Variants in KRCC1 observed in about 807,000 individuals in gnomAD.
KRCC1 encodes lysine-rich coiled-coil protein 1.
A neutral mutation model predicts 7.4 loss-of-function variants in KRCC1; 3 were observed. The ratio of observed to expected loss-of-function variants is 0.40; its 90% CI spans 0.18 to 1.04. The LOEUF (loss-of-function observed/expected upper bound fraction) is 1.04. KRCC1 is among the 50% of genes least tolerant of loss of function. The pLI is 0.33. For synonymous variants in KRCC1, 102 were observed against 101.6 expected (o/e 1.00, Z -0.02); for missense variants, 277 against 300.9 (o/e 0.92, Z 0.59).
At chr2:88,038,353 T>C (rs1558833116) in intron 1 of KRCC1, among the ~76,000 whole-genome samples, 1 of 152,214 alleles carries the variant, frequency 6.6e-6, no homozygotes, top group Non-Finnish European at 1.5e-5. Flanking sequence ...CTTAGCAAGA[T>C]GTCCCTGGCT....
intron 1 of KRCC1, among the ~76,000 whole-genome samples, chr2:88,043,074 T>A (rs1673248534): frequency 6.6e-6 from 1 of 152,176 alleles, no homozygotes; most frequent in Admixed American, 6.5e-5. Flanking sequence ...TACACTGAAG[T>A]CTTATTTTTC....
intron 1 of KRCC1, among the ~76,000 whole-genome samples, chr2:88,044,356 A>G (rs553990393): frequency 3.3e-4 from 50 of 152,020 alleles, no homozygotes; most frequent in African/African-American, 1.1e-3. Context: ...GGAGTTCAAG[A>G]CCAGCCTGGG....
chr2:88,033,888 TC>T (rs1673042011), intron 3 of KRCC1, among the ~76,000 whole-genome samples: 1 of 152,174 alleles, frequency 6.6e-6, no homozygotes, highest in African/African-American at 2.4e-5. Context: ...AAACAAATGT[TC>T]ACAGCAGCAC....
intron 1 of KRCC1, among the ~76,000 whole-genome samples, chr2:88,045,860 A>C (rs1673319321): frequency 6.6e-6 from 1 of 151,840 alleles, no homozygotes. Flanking sequence ...TTGTATTTTT[A>C]GTAGAGACAG....
chr2:88,037,639 G>A (rs879939343), intron 1 of KRCC1, among the ~76,000 whole-genome samples: 13 of 152,044 alleles, frequency 8.6e-5, no homozygotes, highest in Non-Finnish European at 1.8e-4. Flanking sequence ...GAACTCCCGC[G>A]CTCAGGTGAT....
intron 1 of KRCC1, among the ~76,000 whole-genome samples, chr2:88,054,437 C>G (rs2104633906): frequency 6.6e-6 from 1 of 152,324 alleles, no homozygotes; most frequent in South Asian, 2.1e-4. Context: ...GTTTGTACCT[C>G]TTACAACTCA....
At position 88,028,492 on chromosome 2, in the gene KRCC1, G is replaced by T; in HGVS notation, c.72C>A (p.Ala24=). ...AACAAGTCTTTGGCTCTAAGCCTCT[G>T]GCTTTCTGTACTTTAATATAATCTT... ...ELEDYIKVQK[A]RGLEPKTCFR... Residue 24 remains alanine (A), a synonymous_variant, in exon 4 of 4, where the codon GCC becomes GCA. Coordinates refer to ENST00000347055, the MANE Select transcript of KRCC1 (RefSeq NM_016618.3). The T allele has an allele frequency of 1.9e-6, 3 of 1,613,426 alleles. No homozygotes were observed. The highest frequency in any genetic ancestry group is 2.5e-6 in the Non-Finnish European group (3 of 1,179,520).
At chr2:88,028,645 T>TC in intron 3 of KRCC1, 60 bp from the exon 4 acceptor site, 2 of 383,490 alleles carry the variant, frequency 5.2e-6, no homozygotes, top group Non-Finnish European at 7.8e-6. Context: ...TCCTTTGCTC[T>TC]TTTTTTTTTT....
At chr2:88,052,865 TTAAA>T (rs1337953583) in intron 1 of KRCC1, among the ~76,000 whole-genome samples, 4 of 152,356 alleles carry the variant, frequency 2.6e-5, no homozygotes, top group East Asian at 3.9e-4. Flanking sequence ...TTTTTGTTTC[TTAAA>T]TAAATCCCCC....
chr2:88,033,382 C>T (rs367756670), intron 3 of KRCC1, among the ~76,000 whole-genome samples: 1 of 151,984 alleles, frequency 6.6e-6, no homozygotes, highest in Non-Finnish European at 1.5e-5. Flanking sequence ...AAAAATTAGC[C>T]GGGTGTGGTG....
chr2:88,049,000 C>A (rs1177648645), intron 1 of KRCC1, among the ~76,000 whole-genome samples: 2 of 152,158 alleles, frequency 1.3e-5, no homozygotes, highest in Admixed American at 1.3e-4. Context: ...TAATATAATG[C>A]TCATTGTTAA....
At chr2:88,049,237 C>T (rs1289274333) in intron 1 of KRCC1, among the ~76,000 whole-genome samples, 1 of 152,134 alleles carries the variant, frequency 6.6e-6, no homozygotes, top group Non-Finnish European at 1.5e-5. Flanking sequence ...ATCATAAGTA[C>T]TCTATGGCTA....
chr2:88,041,891 A>G (rs1673218420), intron 1 of KRCC1, among the ~76,000 whole-genome samples: 1 of 151,714 alleles, frequency 6.6e-6, no homozygotes, highest in Non-Finnish European at 1.5e-5. Context: ...TTAAATAGTC[A>G]TCATATTATT....
intron 1 of KRCC1, among the ~76,000 whole-genome samples, chr2:88,043,525 A>G (rs1436790680): frequency 6.6e-6 from 1 of 152,234 alleles, no homozygotes; most frequent in Non-Finnish European, 1.5e-5. Context: ...GCATGGCATG[A>G]CTTGTGTTTT....
In KRCC1 at chr2:88,027,575, G is replaced by A; in HGVS notation, c.*209C>T. 1 of 474,560 alleles carries A rather than the reference G, an allele frequency of 2.1e-6. No homozygotes were observed. Among genetic ancestry groups the A allele is most frequent in the Non-Finnish European group, 3.7e-6 (1 of 271,762 alleles). The allele number at this position is 474,560 out of a possible 1,614,324, so 29.4% of individuals were successfully genotyped here. A position where few individuals can be genotyped will look rare whatever the true frequency, so the allele number is the denominator to read the frequency against. On this transcript the variant is annotated 3_prime_UTR_variant, in exon 4 of 4. Transcript: ENST00000347055. The stretch of plus-strand genomic sequence containing the variant: ...TTCATTAAAGGAAATTACACTATAT[G>A]TTCAAAAAATGTAATAATGCTTTTA...
At chr2:88,041,204 A>G (rs1170855034) in intron 1 of KRCC1, among the ~76,000 whole-genome samples, 2 of 152,368 alleles carry the variant, frequency 1.3e-5, no homozygotes, top group African/African-American at 4.8e-5. Context: ...AGGTGGAATC[A>G]AAGGAATTTG....
intron 1 of KRCC1, among the ~76,000 whole-genome samples, chr2:88,044,495 G>C (rs1470435001): frequency 1.3e-5 from 2 of 151,962 alleles, no homozygotes; most frequent in African/African-American, 2.4e-5. Context: ...ACATCTAGAA[G>C]ATATAAAGAC....
chr2:88,047,876 G>A (rs1673376827), intron 1 of KRCC1, among the ~76,000 whole-genome samples: 2 of 152,050 alleles, frequency 1.3e-5, no homozygotes, highest in Non-Finnish European at 2.9e-5. Flanking sequence ...AATCTTTGAG[G>A]AAAAAATTTT....
In KRCC1 at chr2:88,027,915, G is replaced by T. The variant is rs775628872; in HGVS notation, c.649C>A (p.Arg217=). 6.2e-7 allele frequency: 1 copy of T among 1,612,580 alleles called. No individual in the cohort carries two copies. The highest frequency in any genetic ancestry group is 1.3e-5 in the African/African-American group (1 of 74,730). Residue 217 remains arginine, a synonymous_variant, in exon 4 of 4, where the codon CGA becomes AGA. Transcript: ENST00000347055. ...VHVSTEKLKN[R]KEKKSRDVVS... ...ACATCTCGGCTTTTTTTCTCCTTTC[G>T]ATTCTTAAGCTTTTCTGTACTGACA...
Sources: allele counts gnomAD v4.1 joint callset (sites outside exome capture counted in the v4.1 genomes callset), GRCh38; gene constraint gnomAD v4.1.1; transcripts MANE v1.5; gene names NCBI Gene and HGNC (gene_info 2026-07-23, HGNC 2026-07-21).